The following NACA variants were observed in gnomAD, a reference collection of about 807,000 sequenced individuals.
NACA encodes the protein nascent polypeptide associated complex subunit alpha.
In NACA, 42 loss-of-function variants were observed where a neutral mutation model predicts 86.4. The observed-to-expected ratio is 0.49, with a 90% CI of 0.38 to 0.63. The LOEUF (loss-of-function observed/expected upper bound fraction) is 0.63. Among genes scored for constraint, NACA ranks in the 20% least tolerant of loss-of-function variants. NACA has a pLI of 0.00. For missense variants in NACA, 2,157 were observed against 2,483.6 expected (o/e 0.87, Z 2.80); for synonymous variants, 898 against 973.7 (o/e 0.92, Z 1.45).
In NACA at chr12:56,717,681, GT is replaced by G. The variant is rs1953421799; in HGVS notation, c.3848del (p.His1283ProfsTer10). 3.4e-6 allele frequency: 4 copies of G among 1,175,700 alleles called. No homozygotes were observed. The highest frequency in any genetic ancestry group is 2.6e-5 in the South Asian group (1 of 39,050). The allele number at this position is 1,175,700 out of a possible 1,614,324, so 72.8% of individuals were successfully genotyped here. ...CAACTGCGGGATTGGGGGCCCCTTT[GT>G]GGGGTGGGGTAGCTAGACCTCCTTT... ...SLKGGLATPPHKGAPNPAVVT... is the reference protein window; with the variant it reads ...SLKGGLATPPXKGAPNPAVVT... On this transcript the variant is annotated frameshift_variant, in exon 3 of 9. Transcript: ENST00000454682. LOFTEE classifies it high-confidence loss of function.
At chr12:56,715,253 A>G (rs948321755) in intron 3 of NACA, among the ~76,000 whole-genome samples, 11 of 152,186 alleles carry the variant, frequency 7.2e-5, no homozygotes, top group African/African-American at 2.7e-4. Flanking sequence ...AAGATTCTCA[A>G]TGATGATGAC....
At chr12:56,713,217 G>T in intron 6 of NACA, 27 bp from the exon 7 acceptor site, 1 of 1,611,400 alleles carries the variant, frequency 6.2e-7, no homozygotes, top group Non-Finnish European at 8.5e-7. Flanking sequence ...ACAGATCCAT[G>T]TGAGTAGATT....
chr12:56,722,442 C>T (rs2926742), intron 2 of NACA, among the ~76,000 whole-genome samples: 247 of 152,314 alleles, frequency 1.6e-3, no homozygotes, highest in African/African-American at 5.7e-3. Context: ...GTAATCCCAG[C>T]ACTTCGGGAT....
At chr12:56,722,894 CG>C (rs1310679615) in intron 2 of NACA, among the ~76,000 whole-genome samples, 1 of 42,900 alleles carries the variant, frequency 2.3e-5, no homozygotes, top group African/African-American at 8.4e-5. Context: ...TTAAGGGGGG[CG>C]GGGGGGAAGC....
At chr12:56,724,847 T>C (rs532026011) in intron 1 of NACA, 332 of 291,746 alleles carry the variant, frequency 1.1e-3, no homozygotes, top group Middle Eastern at 3.3e-3. Context: ...TGGGGCCTCC[T>C]GGACTACGTT....
intron 8 of NACA, 112 bp from the exon 9 acceptor site, chr12:56,712,664 G>A: frequency 1.3e-6 from 2 of 1,594,908 alleles, no homozygotes; most frequent in Non-Finnish European, 1.7e-6. Flanking sequence ...AACCTATACG[G>A]CAACTCAGAA....
chr12:56,715,568 T>G (rs552996972), intron 3 of NACA, among the ~76,000 whole-genome samples: 2 of 152,230 alleles, frequency 1.3e-5, no homozygotes, highest in East Asian at 3.9e-4. Context: ...TGGCAGGTCT[T>G]GGTTTTCAAT....
In NACA at chr12:56,716,066, C is replaced by T. The variant is rs778957583; in HGVS notation, c.5464G>A (p.Gly1822Arg). The change falls in exon 3 of 9, where the codon GGG (glycine) becomes AGG (arginine). Residue 1822 changes from glycine to arginine, a missense_variant. By Grantham distance (125) the Gly-to-Arg change is moderately radical. Coordinates refer to ENST00000454682, the MANE Select transcript of NACA (RefSeq NM_001365896.1). ...TTAGAGGGTGATTCCAACACCAGCC[C>T]AGGAGAGGACGGCAGAAATTGCTGT... ...PKQQFLPSSP[G>R]LVLESPSKPL... is the part of the protein sequence containing the mutation. 3 of 1,612,282 alleles carry T rather than the reference C, an allele frequency of 1.9e-6. No individual in the cohort carries two copies. Among genetic ancestry groups the T allele is most frequent in the Non-Finnish European group, 2.5e-6 (3 of 1,178,910 alleles).
chr12:56,719,118 CT>C lies in NACA; in HGVS notation c.2411del (p.Gln804ArgfsTer67). 1 of 1,454,668 alleles carries C rather than the reference CT, an allele frequency of 6.9e-7. No homozygotes were observed. Among genetic ancestry groups the C allele is most frequent in the South Asian group, 1.1e-5 (1 of 88,756 alleles). The allele number at this position is 1,454,668 out of a possible 1,614,324, so 90.1% of individuals were successfully genotyped here. Reference sequence around the variant, plus strand: ...CCTTCTTGGTTGGAGGTCTTTTAGTCTGAGGAGACACACTAACCCCTAAAGG... The same window carrying C: ...CCTTCTTGGTTGGAGGTCTTTTAGTCGAGGAGACACACTAACCCCTAAAGG... ...PSPLGVSVSP[Q>X]TKRPPTKKGS... On this transcript the variant is annotated frameshift_variant, in exon 3 of 9. Coordinates refer to ENST00000454682, the MANE Select transcript of NACA (RefSeq NM_001365896.1). LOFTEE classifies it high-confidence loss of function.
At chr12:56,713,211 A>C in intron 6 of NACA, 21 bp from the exon 7 acceptor site, 1 of 1,612,636 alleles carries the variant, frequency 6.2e-7, no homozygotes, top group Non-Finnish European at 8.5e-7. Flanking sequence ...GAAAATACAG[A>C]TCCATGTGAG....
chr12:56,722,705 C>CAAAAAAAACAAAT, intron 2 of NACA, among the ~76,000 whole-genome samples: 1 of 48,640 alleles, frequency 2.1e-5, no homozygotes, highest in African/African-American at 5.9e-5. Context: ...ACAAAACAAA[C>CAAAAAAAACAAAT]CAAAGAAGAC....
chr12:56,724,555 T>C (rs1263725057), intron 1 of NACA, 32 bp from the exon 2 acceptor site: 2 of 1,595,870 alleles, frequency 1.3e-6, no homozygotes, highest in Non-Finnish European at 1.7e-6. Context: ...GAGGCCTAAA[T>C]TGATTGGGAT....
rs1472784690 is a variant in NACA, at chr12:56,713,657, C to T, written c.5850G>A (p.Gln1950=). Residue 1950 remains glutamine (Q), a synonymous_variant, in exon 6 of 9, where the codon CAG becomes CAA. Coordinates refer to ENST00000454682, the MANE Select transcript of NACA (RefSeq NM_001365896.1). ...TAGTGACTCTAGTAACTCCTGTAAC[C>T]TGCCGAAGACCCAGTTTGGACATAG... ...RKAMSKLGLR[Q]VTGVTRVTIR... is the part of the protein sequence containing the mutation. 1 of 1,614,002 alleles carries T rather than the reference C, an allele frequency of 6.2e-7. No individual in the cohort carries two copies. Among genetic ancestry groups the T allele is most frequent in the Non-Finnish European group, 8.5e-7 (1 of 1,179,998 alleles).
rs1455102079 is a variant in NACA, at chr12:56,721,368, T to C, written c.162A>G (p.Gln54=). The C allele has an allele frequency of 1.9e-6, 3 of 1,598,266 alleles. No homozygotes were observed. Among genetic ancestry groups the C allele is most frequent in the African/African-American group, 1.3e-5 (1 of 74,138 alleles). ...TLPPPCSPAP[Q]QCPLSAANQA... is the part of the protein sequence containing the mutation. ...GGTTAGCAGCTGAGAGAGGGCACTGTTGTGGGGCAGGAGAGCAAGGAGGGG... is the reference window on the plus strand; with the variant it reads ...GGTTAGCAGCTGAGAGAGGGCACTGCTGTGGGGCAGGAGAGCAAGGAGGGG... Residue 54 remains glutamine, a synonymous_variant, in exon 3 of 9, where the codon CAA becomes CAG. Transcript: ENST00000454682.
Position 56,717,244 on chromosome 12 carries a change from G to C in NACA, c.4286C>G (p.Ser1429Cys), listed in dbSNP as rs757145746. The C allele has an allele frequency of 3.0e-6, 4 of 1,332,814 alleles. No homozygotes were observed. The East Asian group carries it at 1.4e-4, about 45-fold the overall frequency. 82.6% of individuals were successfully genotyped at this position (1,332,814 alleles called of 1,614,324 possible). The part of the protein sequence containing the change: ...PVTREGAATP[S>C]KGDLTPPAVT... ...TGCTGGGGGAGTGAGATCTCCTTTGGATGGGGTGGCTGCGCCTTCTCTGGT... is the reference window on the plus strand; with the variant it reads ...TGCTGGGGGAGTGAGATCTCCTTTGCATGGGGTGGCTGCGCCTTCTCTGGT... The change falls in exon 3 of 9, where the codon TCC becomes TGC. Residue 1429 changes from serine to cysteine, a missense_variant. By Grantham distance (112) the Ser-to-Cys change is moderately radical. Coordinates refer to ENST00000454682, the MANE Select transcript of NACA (RefSeq NM_001365896.1).
At position 56,720,405 on chromosome 12, in the gene NACA, T is replaced by C. The variant is rs775643455; in HGVS notation, c.1125A>G (p.Pro375=). 1.2e-6 allele frequency: 2 copies of C among 1,613,808 alleles called. No individual in the cohort carries two copies. Among genetic ancestry groups the C allele is most frequent in the Non-Finnish European group, 8.5e-7 (1 of 1,179,806 alleles). The change falls in exon 3 of 9, where the codon CCA becomes CCG. Residue 375 remains proline, a synonymous_variant. Coordinates refer to ENST00000454682, the MANE Select transcript of NACA (RefSeq NM_001365896.1). The stretch of plus-strand genomic sequence containing the variant: ...CTTTGTCAACAGATGGAGCCACCAC[T>C]GGAAAGGCAGCCACAGTAGCAGGAA... The part of the protein sequence containing the change: ...EVVPATVAAF[P]VVAPSVDKGP...
chr12:56,717,730 G>A lies in NACA; in HGVS notation c.3800C>T (p.Pro1267Leu). 8.5e-7 allele frequency: 1 copy of A among 1,174,980 alleles called. No individual in the cohort carries two copies. The highest frequency in any genetic ancestry group is 1.1e-6 in the Non-Finnish European group (1 of 936,142). The allele number at this position is 1,174,980 out of a possible 1,614,324, so 72.8% of individuals were successfully genotyped here. Residue 1267 changes from proline (P) to leucine (L), a missense_variant, in exon 3 of 9, where the codon CCA becomes CTA. Pro to Leu is a moderately conservative substitution (Grantham distance 98, BLOSUM62 -3). Coordinates refer to ENST00000454682, the MANE Select transcript of NACA (RefSeq NM_001365896.1). ...TTTTAGGGAGGGAGGAGTTGCAGCT[G>A]GGGGAGTGGGGGCCCCTTTGGGGGG... ...TPPPKGAPTP[P>L]AATPPSLKGG... is the part of the protein sequence containing the mutation.
rs1555225956 is a variant in NACA, at chr12:56,719,050, G to A, written c.2480C>T (p.Pro827Leu). The A allele has an allele frequency of 2.8e-6, 4 of 1,448,764 alleles. No individual in the cohort carries two copies. The highest frequency in any genetic ancestry group is 3.7e-6 in the Non-Finnish European group (4 of 1,072,220). The allele number at this position is 1,448,764 out of a possible 1,614,324, so 89.7% of individuals were successfully genotyped here. The change falls in exon 3 of 9, where the codon CCT becomes CTT. Residue 827 changes from proline to leucine, a missense_variant. This residue lies in a region of NACA where 174 missense variants were observed against 217.0 expected (regional missense o/e 0.80). Coordinates refer to ENST00000454682, the MANE Select transcript of NACA (RefSeq NM_001365896.1). ...AAATGAAGCTTCAACTGGAGAAACA[G>A]GGGATGAGAGATTTCCAATAGGAGT... Reference protein sequence around the residue: ...PDTPIGNLSSPVSPVEASFLP... With the variant: ...PDTPIGNLSSLVSPVEASFLP...
intron 3 of NACA, among the ~76,000 whole-genome samples, chr12:56,715,176 C>T (rs916739576): frequency 6.6e-6 from 1 of 152,178 alleles, no homozygotes; most frequent in Non-Finnish European, 1.5e-5. Context: ...AAAGCAGACA[C>T]GTACACATAT....
Sources: allele counts gnomAD v4.1 joint callset (sites outside exome capture counted in the v4.1 genomes callset), GRCh38; gene constraint gnomAD v4.1.1; regional missense constraint gnomAD v4.1.1; transcripts MANE v1.5; gene names NCBI Gene and HGNC (gene_info 2026-07-23, HGNC 2026-07-21).